Variants in SCN11A observed in about 807,000 individuals in gnomAD.
SCN11A encodes the protein sodium channel protein type 11 subunit alpha.
A neutral mutation model predicts 162.2 loss-of-function variants in SCN11A; 122 were observed. That is an observed-to-expected ratio of 0.75 (90% CI 0.65 to 0.87). The LOEUF is 0.87. Ranked by LOEUF, SCN11A falls within the 40% of genes least tolerant of loss-of-function variation. SCN11A has a pLI of 0.00. For synonymous variants in SCN11A, 758 were observed against 751.5 expected, an observed-to-expected ratio of 1.01 and a Z score of -0.14; for missense variants, 2,015 against 2,181.6, an observed-to-expected ratio of 0.92 and a Z score of 1.52.
At chr3:38,871,050 AG>A (rs2065117982) in intron 25 of SCN11A, among the ~76,000 whole-genome samples, 1 of 152,198 alleles carries the variant, frequency 6.6e-6, no homozygotes, top group Non-Finnish European at 1.5e-5. Flanking sequence ...TAAGAGTTAA[AG>A]GGTTCTTTTC....
At chr3:38,867,583 T>C in intron 26 of SCN11A, 125 bp from the exon 27 acceptor site, 1 of 675,896 alleles carries the variant, frequency 1.5e-6, no homozygotes, top group Non-Finnish European at 2.5e-6. Context: ...AGCCTCTTCC[T>C]AACAGCCATA....
At chr3:38,903,481 T>C (rs545265217) in intron 16 of SCN11A, among the ~76,000 whole-genome samples, 1 of 152,178 alleles carries the variant, frequency 6.6e-6, no homozygotes, top group South Asian at 2.1e-4. Context: ...CACCTAGTAA[T>C]AGTAGTCACA....
chr3:38,966,312 C>T (rs1313320441), intron 2 of SCN11A, among the ~76,000 whole-genome samples: 2 of 152,028 alleles, frequency 1.3e-5, no homozygotes, highest in Non-Finnish European at 2.9e-5. Context: ...TTTCACATAA[C>T]AAAGGAAATT....
At chr3:38,930,641 C>G (rs2066226015) in intron 7 of SCN11A, among the ~76,000 whole-genome samples, 1 of 152,170 alleles carries the variant, frequency 6.6e-6, no homozygotes, top group Non-Finnish European at 1.5e-5. Flanking sequence ...AGTCTCCCAC[C>G]TCTTACTTCC....
intron 2 of SCN11A, among the ~76,000 whole-genome samples, chr3:39,015,368 G>C (rs1330664132): frequency 1.3e-5 from 2 of 152,106 alleles, no homozygotes; most frequent in Non-Finnish European, 2.9e-5. Context: ...TCTGTTATAG[G>C]AGCACAAATG....
At chr3:39,010,227 G>A (rs4645092) in intron 2 of SCN11A, among the ~76,000 whole-genome samples, 72,818 of 151,812 alleles carry the variant, frequency 0.48, 21,349 homozygotes, top group African/African-American at 0.84. Context: ...TAAAAGTAGA[G>A]GTAGTGGCCT....
In SCN11A at chr3:38,964,906, T is replaced by A. The variant is rs868859827; in HGVS notation, c.-279-4483A>T. Among the ~76,000 whole-genome samples the A allele has an allele frequency of 3.1e-4, 47 of 152,350 alleles. No individual in the cohort carries two copies. In the Middle Eastern group the frequency reaches 0.01, roughly 33 times the overall value. On this transcript the variant is annotated intron_variant, in intron 2 of 29. Transcript: ENST00000302328. ...TACTTTAGGCATAACCACCAAGTCTTCTGTTTCCCTGATGTGGGCCACTGC... is the reference window on the plus strand; with the variant it reads ...TACTTTAGGCATAACCACCAAGTCTACTGTTTCCCTGATGTGGGCCACTGC...
At chr3:38,867,943 C>T (rs2065068184) in intron 26 of SCN11A, among the ~76,000 whole-genome samples, 1 of 152,158 alleles carries the variant, frequency 6.6e-6, no homozygotes, top group Non-Finnish European at 1.5e-5. Context: ...TGTCCTTTCA[C>T]TCTTAACTTC....
intron 7 of SCN11A, among the ~76,000 whole-genome samples, chr3:38,936,582 CAA>C (rs1218741438): frequency 4.0e-5 from 6 of 150,540 alleles, no homozygotes; most frequent in African/African-American, 1.5e-4. Flanking sequence ...CAACAACAGA[CAA>C]ACAGAGAGCC....
rs565440267 is a variant in SCN11A at position 38,888,814 on chromosome 3, C to G, written c.2836-2576G>C. 5.3e-5 allele frequency among the ~76,000 whole-genome samples: 8 copies of G among 152,254 alleles called. No individual in the cohort carries two copies. In the South Asian group the frequency reaches 1.7e-3, roughly 32 times the overall value. Reference sequence around the variant, plus strand: ...TAAGCCATGATCTGACCTCTCCCCCCATCCCTTCCAGCCAAGTTTTATGGA... The same window carrying G: ...TAAGCCATGATCTGACCTCTCCCCCGATCCCTTCCAGCCAAGTTTTATGGA... On this transcript the variant is annotated intron_variant, in intron 19 of 29. Transcript: ENST00000302328.
Position 39,051,905 on chromosome 3 carries a change from G to C in SCN11A, c.-448C>G, listed in dbSNP as rs1575377206. ...CCACACAGCAACTAACAGCACCGAG[G>C]AAACACAACAGCCTGTTTACCTTCA... On this transcript the variant is annotated 5_prime_UTR_variant, in exon 1 of 30. Transcript: ENST00000302328. The C allele has an allele frequency of 2.4e-6, 3 of 1,254,124 alleles. No homozygotes were observed. Among genetic ancestry groups the C allele is most frequent in the Non-Finnish European group, 3.4e-6 (3 of 876,410 alleles). 77.7% of individuals were successfully genotyped at this position (1,254,124 alleles called of 1,614,324 possible). A position where few individuals can be genotyped will look rare whatever the true frequency, so the allele number is the denominator to read the frequency against.
At chr3:38,877,035 TA>T (rs2065220686) in intron 23 of SCN11A, among the ~76,000 whole-genome samples, 1 of 38,822 alleles carries the variant, frequency 2.6e-5, no homozygotes, top group Non-Finnish European at 6.2e-5. Context: ...ATATATGGTA[TA>T]TATATGGTGT....
At chr3:39,017,972 T>C (rs2031342363) in intron 2 of SCN11A, among the ~76,000 whole-genome samples, 1 of 152,256 alleles carries the variant, frequency 6.6e-6, no homozygotes, top group African/African-American at 2.4e-5. Context: ...AACTTTGTTC[T>C]GGAACACCAT....
chr3:38,995,135 T>A (rs1209546257), intron 2 of SCN11A, among the ~76,000 whole-genome samples: 1 of 134,310 alleles, frequency 7.4e-6, no homozygotes, highest in Non-Finnish European at 1.6e-5. Context: ...TTTAAGAACT[T>A]TTTTTTTTTT....
intron 23 of SCN11A, among the ~76,000 whole-genome samples, chr3:38,874,285 C>T (rs778148409): frequency 3.3e-5 from 5 of 151,980 alleles, no homozygotes; most frequent in African/African-American, 4.8e-5. Flanking sequence ...TTCTAAATAT[C>T]GATGTTATCC....
At chr3:38,994,405 T>C (rs893736130) in intron 2 of SCN11A, among the ~76,000 whole-genome samples, 2 of 152,178 alleles carry the variant, frequency 1.3e-5, no homozygotes, top group African/African-American at 4.8e-5. Context: ...TTTAGGACAT[T>C]TCTAGGGTAC....
At chr3:38,897,881 G>A (rs1459088740) in intron 17 of SCN11A, among the ~76,000 whole-genome samples, 3 of 152,146 alleles carry the variant, frequency 2.0e-5, no homozygotes, top group East Asian at 1.9e-4. Context: ...GCCAAATACA[G>A]TCCATTGCCT....
chr3:38,852,829 A>G (rs1432577879), intron 28 of SCN11A, among the ~76,000 whole-genome samples: 1 of 152,228 alleles, frequency 6.6e-6, no homozygotes, highest in African/African-American at 2.4e-5. Context: ...AGACTCAGGG[A>G]CTTCTGGTGA....
chr3:39,032,186 G>T (rs2031777149), intron 2 of SCN11A, among the ~76,000 whole-genome samples, 194 bp downstream of exon 2: 1 of 152,088 alleles, frequency 6.6e-6, no homozygotes, highest in African/African-American at 2.4e-5. Flanking sequence ...AGTTTATTTA[G>T]CATTTCTGCA....
Sources: gnomAD v4.1 joint callset for allele counts (sites outside exome capture counted in the v4.1 genomes callset) on GRCh38, gnomAD v4.1.1 for gene constraint, MANE v1.5 for transcripts, NCBI Gene and HGNC (gene_info 2026-07-23, HGNC 2026-07-21) for gene names.